Variants in TLK2 observed in about 807,000 individuals in gnomAD.
The protein encoded by TLK2 is serine/threonine-protein kinase tousled-like 2.
A neutral mutation model predicts 117.3 loss-of-function variants in TLK2; 6 were observed. That is an observed-to-expected ratio of 0.05 (90% CI 0.03 to 0.10). TLK2 has a LOEUF of 0.10. TLK2 is among the 10% of genes least tolerant of loss of function. The probability of loss-of-function intolerance (pLI) is 1.00; values close to 1 mark genes in which losing one functional copy is unlikely to be tolerated. For missense variants in TLK2, 299 were observed against 901.2 expected, an observed-to-expected ratio of 0.33 and a Z score of 8.56; for synonymous variants, 257 against 316.7, an observed-to-expected ratio of 0.81 and a Z score of 2.00.
intron 2 of TLK2, among the ~76,000 whole-genome samples, chr17:62,486,305 G>GT (rs1399820582): frequency 6.6e-6 from 1 of 151,912 alleles, no homozygotes; most frequent in Admixed American, 6.6e-5. Flanking sequence ...CTACAGGCGT[G>GT]TGCCACTATT....
At chr17:62,503,415 CTTTT>C (rs35652112) in intron 2 of TLK2, among the ~76,000 whole-genome samples, 9 of 93,998 alleles carry the variant, frequency 9.6e-5, no homozygotes, top group East Asian at 3.2e-4. Context: ...TTAGTTATAA[CTTTT>C]TTTTTTTTTT....
rs1598677016 is a variant in TLK2, at chr17:62,573,344, G to A, written c.1098G>A (p.Lys366=). The change falls in exon 12 of 22, where the codon AAG becomes AAA. Residue 366 remains lysine, a synonymous_variant. Coordinates refer to ENST00000346027, the MANE Select transcript of TLK2 (RefSeq NM_006852.6). ...ATGAGCAGAAACAGCGGAAAAGCAA[G>A]ACCAATGGAGCTGAAAATGAAACGT... ...ATNEQKQRKS[K]TNGAENETLT... 6.2e-6 allele frequency: 10 copies of A among 1,614,100 alleles called. No individual in the cohort carries two copies. The highest frequency in any genetic ancestry group is 8.5e-6 in the Non-Finnish European group (10 of 1,179,972).
chr17:62,487,362 G>T (rs893379281), intron 2 of TLK2, among the ~76,000 whole-genome samples: 3 of 150,718 alleles, frequency 2.0e-5, no homozygotes, highest in Non-Finnish European at 3.0e-5. Flanking sequence ...TAAGTTAACC[G>T]CCCTAGAAAG....
At chr17:62,477,533 G>C (rs772807162), upstream of TLK2, 1 of 152,208 alleles carries the variant, frequency 6.6e-6, no homozygotes, top group South Asian at 2.1e-4. Context: ...ATTAAGAGAA[G>C]AACGAAGAAA....
chr17:62,495,141 T>G (rs960355934), intron 2 of TLK2, among the ~76,000 whole-genome samples: 1 of 151,818 alleles, frequency 6.6e-6, no homozygotes, highest in Non-Finnish European at 1.5e-5. Context: ...TGCTCCAGCC[T>G]GGGTGACAGA....
rs373594291 is a variant in TLK2 at position 62,536,625 on chromosome 17, G to C, written c.531+288G>C. 2.7e-3 allele frequency among the ~76,000 whole-genome samples: 407 copies of C among 152,006 alleles called. 1 individual carries two copies. The highest frequency in any genetic ancestry group is 9.1e-3 in the African/African-American group (377 of 41,452). On this transcript the variant is annotated intron_variant, in intron 7 of 21. Coordinates refer to ENST00000346027, the MANE Select transcript of TLK2 (RefSeq NM_006852.6). ...AGCATAATCTTAGATTGACAAAGAA[G>C]AAAATACAGATCAAATTCCATTAGT...
chr17:62,543,465 A>G (rs976684738), intron 7 of TLK2, among the ~76,000 whole-genome samples: 3 of 152,326 alleles, frequency 2.0e-5, no homozygotes, highest in Admixed American at 6.5e-5. Context: ...CCGCAGCAGT[A>G]CATTCCAATT....
chr17:62,472,006 T>C (rs186614965), intron 1 of TLK2, among the ~76,000 whole-genome samples: 4,635 of 145,450 alleles, frequency 0.032, 114 homozygotes, highest in Non-Finnish European at 0.051. Flanking sequence ...CCTGGGTTCG[T>C]GCCATTCTCC....
intron 10 of TLK2, among the ~76,000 whole-genome samples, chr17:62,560,830 T>A (rs2079207968): frequency 6.6e-6 from 1 of 150,826 alleles, no homozygotes; most frequent in African/African-American, 2.4e-5. Context: ...ATTTTTGTAT[T>A]TTTTTTTTAA....
chr17:62,473,119 G>A (rs868602669), intron 1 of TLK2, among the ~76,000 whole-genome samples: 13 of 152,130 alleles, frequency 8.5e-5, no homozygotes, highest in Admixed American at 4.6e-4. Context: ...TGTGGGGCTG[G>A]GGGGAAGGAG....
intron 6 of TLK2, among the ~76,000 whole-genome samples, chr17:62,529,601 A>G (rs1238545440): frequency 6.6e-6 from 1 of 152,196 alleles, no homozygotes. Flanking sequence ...AGGTATAACT[A>G]TTTCCATTCT....
chr17:62,546,367 TGAAAAGGG>T (rs1567891555), intron 7 of TLK2, among the ~76,000 whole-genome samples: 173 of 107,524 alleles, frequency 1.6e-3, no homozygotes, highest in East Asian at 3.4e-3. Context: ...TTTTACATAA[TGAAAAGGG>T]TTTTTTATTT....
chr17:62,491,760 AT>A (rs2073132790), intron 2 of TLK2, among the ~76,000 whole-genome samples: 1 of 151,834 alleles, frequency 6.6e-6, no homozygotes, highest in Non-Finnish European at 1.5e-5. Context: ...TAATTTTTGT[AT>A]TTTTAGTAGA....
chr17:62,517,525 G>A (rs1209212160), intron 2 of TLK2, among the ~76,000 whole-genome samples: 1 of 151,818 alleles, frequency 6.6e-6, no homozygotes, highest in East Asian at 1.9e-4. Context: ...CTCCCAAGTA[G>A]CTGGGACTAC....
At chr17:62,568,280 A>T (rs1375721621) in intron 11 of TLK2, among the ~76,000 whole-genome samples, 1 of 151,864 alleles carries the variant, frequency 6.6e-6, no homozygotes, top group African/African-American at 2.4e-5. Context: ...AAAAATACAA[A>T]AATTAGTTGG....
intron 16 of TLK2, among the ~76,000 whole-genome samples, chr17:62,593,186 G>T (rs1351763251): frequency 6.6e-6 from 1 of 152,042 alleles, no homozygotes; most frequent in Non-Finnish European, 1.5e-5. Context: ...GCATAGAAAA[G>T]GTGCAGTAAA....
chr17:62,607,945 A>G, intron 20 of TLK2, 96 bp from the exon 21 acceptor site: 1 of 984,754 alleles, frequency 1.0e-6, no homozygotes, highest in Non-Finnish European at 1.5e-6. Context: ...TTCAAATTAG[A>G]AGATGTCTTA....
At chr17:62,514,815 G>A (rs542479445) in intron 2 of TLK2, among the ~76,000 whole-genome samples, 12 of 152,206 alleles carry the variant, frequency 7.9e-5, no homozygotes, top group Non-Finnish European at 1.5e-4. Flanking sequence ...CTGGCCTCAC[G>A]TGATCCACCT....
At chr17:62,553,393 T>C in intron 8 of TLK2, 1 of 293,346 alleles carries the variant, frequency 3.4e-6, no homozygotes, top group Non-Finnish European at 6.4e-6. Flanking sequence ...GTTTCTACAT[T>C]GTTCAGTGCA....
Sources: gnomAD v4.1 joint callset for allele counts (sites outside exome capture counted in the v4.1 genomes callset) on GRCh38, gnomAD v4.1.1 for gene constraint, MANE v1.5 for transcripts, NCBI Gene and HGNC (gene_info 2026-07-23, HGNC 2026-07-21) for gene names.